Variants in CNTNAP4 observed in about 807,000 individuals in gnomAD.
The protein encoded by CNTNAP4 is contactin-associated protein-like 4.
CNTNAP4 carries 98 observed loss-of-function variants against 148.4 expected under a neutral mutation model. The observed-to-expected ratio is 0.66, with a 90% CI of 0.56 to 0.78. CNTNAP4 has a LOEUF of 0.78. Ranked by LOEUF, CNTNAP4 falls within the 30% of genes least tolerant of loss-of-function variation. The pLI, the probability that CNTNAP4 is intolerant of heterozygous loss-of-function variation, is 0.00. For synonymous variants in CNTNAP4, 730 were observed against 565.1 expected, an observed-to-expected ratio of 1.29 and a Z score of -4.14; for missense variants, 1,935 against 1,565.6, an observed-to-expected ratio of 1.24 and a Z score of -3.98.
rs556492945 is a variant in CNTNAP4, at chr16:76,527,431, A to C, written c.2755+5174A>C. ...GGTAATTTAATTCCCCTTACTTGCAAGTTCAAGAATTTAATTTGTGGTTCA... is the reference window on the plus strand; with the variant it reads ...GGTAATTTAATTCCCCTTACTTGCACGTTCAAGAATTTAATTTGTGGTTCA... On this transcript the variant is annotated intron_variant, in intron 17 of 23. Transcript: ENST00000611870. Among the ~76,000 whole-genome samples the C allele has an allele frequency of 8.5e-5, 13 of 152,248 alleles. No homozygotes were observed. The East Asian group carries it at 2.1e-3, about 25-fold the overall frequency.
chr16:76,360,497 C>T (rs1026561406), intron 3 of CNTNAP4, among the ~76,000 whole-genome samples: 1 of 152,112 alleles, frequency 6.6e-6, no homozygotes, highest in Non-Finnish European at 1.5e-5. Flanking sequence ...TTATGTTGAG[C>T]CCTTATTCTC....
chr16:76,357,114 A>C (rs915484183), intron 3 of CNTNAP4, among the ~76,000 whole-genome samples: 2 of 151,956 alleles, frequency 1.3e-5, no homozygotes, highest in African/African-American at 4.8e-5. Flanking sequence ...ATTACGTTCA[A>C]CTAATTCCAT....
At chr16:76,398,373 T>C (rs1159982678) in intron 3 of CNTNAP4, among the ~76,000 whole-genome samples, 1 of 152,026 alleles carries the variant, frequency 6.6e-6, no homozygotes, top group African/African-American at 2.4e-5. Flanking sequence ...ATATTAACCA[T>C]CACAATACAT....
chr16:76,522,689 T>C (rs556335953), intron 17 of CNTNAP4, among the ~76,000 whole-genome samples: 1,562 of 9,610 alleles, frequency 0.16, 185 homozygotes, highest in Admixed American at 0.29. Context: ...TTTCTCTCCT[T>C]TCTTTTCTTT....
chr16:76,305,674 TCG>T, intron 1 of CNTNAP4, among the ~76,000 whole-genome samples: 1 of 152,210 alleles, frequency 6.6e-6, no homozygotes, highest in African/African-American at 2.4e-5. Flanking sequence ...GACCCATCAT[TCG>T]TTTTTGTTGT....
intron 23 of CNTNAP4, among the ~76,000 whole-genome samples, chr16:76,554,402 A>G (rs904811885): frequency 4.6e-5 from 7 of 152,364 alleles, no homozygotes; most frequent in South Asian, 2.1e-4. Context: ...AGATGCTTCT[A>G]TCAACTAAAT....
chr16:76,433,079 A>G (rs4442847), intron 4 of CNTNAP4, among the ~76,000 whole-genome samples: 98,402 of 152,006 alleles, frequency 0.65, 33,167 homozygotes, highest in African/African-American at 0.84. Flanking sequence ...ACCCACTTGT[A>G]GAACAGCTTT....
intron 21 of CNTNAP4, among the ~76,000 whole-genome samples, chr16:76,547,369 T>C (rs966524506): frequency 2.0e-5 from 3 of 152,182 alleles, no homozygotes; most frequent in African/African-American, 7.2e-5. Context: ...AATAATGATG[T>C]AATTTAACAC....
At chr16:76,497,912 A>G (rs1447002184) in intron 14 of CNTNAP4, among the ~76,000 whole-genome samples, 1 of 152,330 alleles carries the variant, frequency 6.6e-6, no homozygotes, top group African/African-American at 2.4e-5. Context: ...CAAAAGAAAT[A>G]GCAAAATGGT....
chr16:76,452,569 G>A lies in CNTNAP4; in HGVS notation c.1133G>A (p.Arg378Lys), dbSNP rs372936480. Residue 378 changes from arginine (R) to lysine (K), a missense_variant, in exon 8 of 24, where the codon AGG (arginine) becomes AAG (lysine). Transcript: ENST00000611870. ...QSMPVTFLSS[R>K]SYLALPDFSG... ...ATGCCCGTGACTTTTCTGAGCTCCA[G>A]GAGTTATTTAGCACTGCCAGACTTC... 5.6e-5 allele frequency: 91 copies of A among 1,613,880 alleles called. No individual in the cohort carries two copies. Among genetic ancestry groups the A allele is most frequent in the Non-Finnish European group, 7.6e-5 (90 of 1,179,900 alleles).
At chr16:76,313,976 C>A (rs1961424991) in intron 1 of CNTNAP4, among the ~76,000 whole-genome samples, 1 of 152,048 alleles carries the variant, frequency 6.6e-6, no homozygotes, top group Non-Finnish European at 1.5e-5. Flanking sequence ...TTAAAGATGA[C>A]ATCGAATGAA....
chr16:76,422,835 A>G (rs956178270), intron 3 of CNTNAP4, among the ~76,000 whole-genome samples: 1 of 152,194 alleles, frequency 6.6e-6, no homozygotes, highest in Non-Finnish European at 1.5e-5. Context: ...TCATGTTGAA[A>G]ACATTTAAAT....
chr16:76,382,801 T>C (rs2016120108), intron 3 of CNTNAP4, among the ~76,000 whole-genome samples: 1 of 152,158 alleles, frequency 6.6e-6, no homozygotes, highest in Non-Finnish European at 1.5e-5. Context: ...AGTAAAAGAC[T>C]GGATCCAAAC....
chr16:76,320,051 C>T (rs932852374), intron 2 of CNTNAP4, among the ~76,000 whole-genome samples: 1 of 152,140 alleles, frequency 6.6e-6, no homozygotes, highest in Admixed American at 6.5e-5. Context: ...AATTTTGAGG[C>T]ACTTGATAGA....
intron 8 of CNTNAP4, among the ~76,000 whole-genome samples, chr16:76,457,178 T>C (rs2080767607): frequency 6.6e-6 from 1 of 152,218 alleles, no homozygotes; most frequent in Non-Finnish European, 1.5e-5. Context: ...GTGCGGCCCT[T>C]GAAAAGGGCC....
chr16:76,321,880 G>T (rs185430041), intron 2 of CNTNAP4, among the ~76,000 whole-genome samples: 35 of 151,278 alleles, frequency 2.3e-4, no homozygotes, highest in Non-Finnish European at 5.2e-4. Context: ...TATGAAAAAA[G>T]AGTAAGATAT....
In CNTNAP4 at chr16:76,553,868, C is replaced by T; in HGVS notation, c.3694C>T (p.Leu1232Phe). The stretch of plus-strand genomic sequence containing the variant: ...TGGAACAATAGATGACAGAGAGCCC[C>T]TTGCTAATGCAATCAAAAGTGACTC... Reference protein sequence around the residue: ...HSGTIDDREPLANAIKSDSAV... With the variant: ...HSGTIDDREPFANAIKSDSAV... The change falls in exon 23 of 24, where the codon CTT (leucine) becomes TTT (phenylalanine). Residue 1232 changes from leucine (L) to phenylalanine (F), a missense_variant. Physicochemically the swap from Leu to Phe is conservative, Grantham distance 22. Coordinates refer to ENST00000611870, the MANE Select transcript of CNTNAP4 (RefSeq NM_033401.5). 6.2e-7 allele frequency: 1 copy of T among 1,612,336 alleles called. No homozygotes were observed. Among genetic ancestry groups the T allele is most frequent in the Non-Finnish European group, 8.5e-7 (1 of 1,178,660 alleles).
chr16:76,394,737 A>C (rs2078137766), intron 3 of CNTNAP4, among the ~76,000 whole-genome samples: 1 of 152,212 alleles, frequency 6.6e-6, no homozygotes, highest in Non-Finnish European at 1.5e-5. Flanking sequence ...AATGTTAATC[A>C]TTACCAAAGA....
intron 3 of CNTNAP4, among the ~76,000 whole-genome samples, chr16:76,407,489 G>C (rs1218002377): frequency 6.6e-6 from 1 of 151,784 alleles, no homozygotes; most frequent in Non-Finnish European, 1.5e-5. Context: ...CAGCATTAAT[G>C]GGCATTTGGA....
Sources: allele counts gnomAD v4.1 joint callset (sites outside exome capture counted in the v4.1 genomes callset), GRCh38; gene constraint gnomAD v4.1.1; transcripts MANE v1.5; gene names NCBI Gene and HGNC (gene_info 2026-07-23, HGNC 2026-07-21).